The following GLS variants were observed in gnomAD, a reference collection of about 807,000 sequenced individuals.
GLS encodes the protein glutaminase kidney isoform, mitochondrial.
Under a neutral mutation model 86.7 loss-of-function variants are expected in GLS, and 36 were observed. That is an observed-to-expected ratio of 0.42 (90% CI 0.32 to 0.55). The LOEUF (loss-of-function observed/expected upper bound fraction) is 0.55. Ranked by LOEUF, GLS falls within the 20% of genes least tolerant of loss-of-function variation. The pLI is 0.17. For synonymous variants in GLS, 317 were observed against 305.9 expected, an observed-to-expected ratio of 1.04 and a Z score of -0.38; for missense variants, 528 against 833.4, an observed-to-expected ratio of 0.63 and a Z score of 4.51.
rs1006589157 is a variant in GLS, at chr2:190,898,867, A to T, written c.606-1697A>T. ...GGTCTCGAACTCCTGACCTCAGGTG[A>T]TCTGCCTGCCTCAGCCTCCCAAAGT... On this transcript the variant is annotated intron_variant, in intron 3 of 17. Coordinates refer to ENST00000320717, the MANE Select transcript of GLS (RefSeq NM_014905.5). 3.3e-5 allele frequency among the ~76,000 whole-genome samples: 5 copies of T among 152,320 alleles called. 1 individual carries two copies. The highest frequency in any genetic ancestry group is 3.3e-4 in the Admixed American group (5 of 15,304).
At chr2:190,882,761 A>C (rs1288540641) in intron 1 of GLS, among the ~76,000 whole-genome samples, 1 of 152,264 alleles carries the variant, frequency 6.6e-6, no homozygotes, top group East Asian at 1.9e-4. Context: ...GCCACAAAAT[A>C]GCGTCCTGAC....
rs763373443 is a variant in GLS, at chr2:190,881,076, C to T, written c.-9C>T. 19 of 1,552,066 alleles carry T rather than the reference C, an allele frequency of 1.2e-5. No homozygotes were observed. The East Asian group carries it at 4.3e-4, about 35-fold the overall frequency. On this transcript the variant is annotated 5_prime_UTR_variant, in exon 1 of 18. Coordinates refer to ENST00000320717, the MANE Select transcript of GLS (RefSeq NM_014905.5). The stretch of plus-strand genomic sequence containing the variant: ...CCCCTGTTGAGCGGGCGCTGACGGA[C>T]CCGGCGGCATGATGCGGCTGCGAGG...
intron 3 of GLS, among the ~76,000 whole-genome samples, chr2:190,898,736 A>G (rs916258191): frequency 6.6e-6 from 1 of 152,120 alleles, no homozygotes; most frequent in East Asian, 1.9e-4. Flanking sequence ...GGTTCAAGCA[A>G]TTCTCCTGCC....
At chr2:190,952,789 T>A (rs1690750669) in intron 14 of GLS, among the ~76,000 whole-genome samples, 1 of 152,240 alleles carries the variant, frequency 6.6e-6, no homozygotes, top group South Asian at 2.1e-4. Context: ...GTCAATAGTT[T>A]AATTTCTCAT....
At chr2:190,933,327 A>T in intron 14 of GLS, 1 of 911,180 alleles carries the variant, frequency 1.1e-6, no homozygotes, top group Non-Finnish European at 1.3e-6. Flanking sequence ...AAAACTAAAA[A>T]GGCAAAATAA....
rs1690759163 is a variant in GLS, at chr2:190,953,024, C to T, written c.1651-541C>T. Among the ~76,000 whole-genome samples, 1 of 152,100 alleles carries T rather than the reference C, an allele frequency of 6.6e-6. No individual in the cohort carries two copies. Among genetic ancestry groups the T allele is most frequent in the Non-Finnish European group, 1.5e-5 (1 of 68,016 alleles). On this transcript the variant is annotated intron_variant, in intron 14 of 17. Transcript: ENST00000320717. The surrounding 1 kb of genome is among the most constrained non-coding windows in gnomAD (Gnocchi z 4.0). ...GTTCTGAGAATGACCCAATTTGTAC[C>T]ACCTGGGCATTGAACTGAAGGCTGT...
rs990167818 is a variant in GLS at position 190,962,693 on chromosome 2, A to G, written c.1854-137A>G. The G allele has an allele frequency of 4.5e-6, 2 of 449,358 alleles. No individual in the cohort carries two copies. Among genetic ancestry groups the G allele is most frequent in the Non-Finnish European group, 7.7e-6 (2 of 260,260 alleles). The allele number at this position is 449,358 out of a possible 1,614,324, so 27.8% of individuals were successfully genotyped here. ...ATAAATCCCTTTCTGCATTTCTATTATTAATTTTTATTTGTAAAATTGCTA... is the reference window on the plus strand; with the variant it reads ...ATAAATCCCTTTCTGCATTTCTATTGTTAATTTTTATTTGTAAAATTGCTA... On this transcript the variant is annotated intron_variant, in intron 17 of 17. Transcript: ENST00000320717. This position sits in a 1 kb window ranked among gnomAD's most constrained non-coding sequence, Gnocchi z 4.2.
At chr2:190,932,891 C>G (rs769139364) in intron 14 of GLS, 3 of 1,436,804 alleles carry the variant, frequency 2.1e-6, no homozygotes, top group Non-Finnish European at 2.8e-6. Context: ...CAGAATGTTT[C>G]TTCATTTAAT....
At position 190,881,431 on chromosome 2, in the gene GLS, G is replaced by A. The variant is rs1412546188; in HGVS notation, c.347G>A (p.Gly116Asp). ...KDGPGETDAF[G>D]NSEGKELVAS... is the part of the protein sequence containing the mutation. ...GGCCCCGGGGAGACGGACGCGTTTG[G>A]CAACAGCGAGGGCAAAGAGCTGGTG... Residue 116 changes from glycine (G) to aspartate (D), a missense_variant, in exon 1 of 18, where the codon GGC (glycine) becomes GAC (aspartate). Coordinates refer to ENST00000320717, the MANE Select transcript of GLS (RefSeq NM_014905.5). 3.9e-6 allele frequency: 6 copies of A among 1,545,796 alleles called. 1 individual carries two copies. In the South Asian group the frequency reaches 7.1e-5, roughly 18 times the overall value.
intron 1 of GLS, among the ~76,000 whole-genome samples, chr2:190,883,590 C>T (rs1029105588): frequency 2.0e-5 from 3 of 152,194 alleles, no homozygotes; most frequent in African/African-American, 7.2e-5. Flanking sequence ...AACATTGCTT[C>T]TTCATTATTG....
chr2:190,880,971 C>T lies in GLS; in HGVS notation c.-114C>T. 2 of 1,249,770 alleles carry T rather than the reference C, an allele frequency of 1.6e-6. No homozygotes were observed. Among genetic ancestry groups the T allele is most frequent in the Non-Finnish European group, 2.2e-6 (2 of 897,296 alleles). 77.4% of individuals were successfully genotyped at this position (1,249,770 alleles called of 1,614,324 possible). On this transcript the variant is annotated 5_prime_UTR_variant, in exon 1 of 18. Transcript: ENST00000320717. ...CCGGAACCACACCCAAGTAGCTGCC[C>T]TTTCCTCTTCTGTCATCTCACCGCC...
In GLS at chr2:190,920,415, CTG is replaced by C. The variant is rs1431782354; in HGVS notation, c.1039-606_1039-605del. On this transcript the variant is annotated intron_variant, in intron 7 of 17. Coordinates refer to ENST00000320717, the MANE Select transcript of GLS (RefSeq NM_014905.5). The surrounding 1 kb of genome is among the most constrained non-coding windows in gnomAD (Gnocchi z 4.2). ...ACAACAGAAGCTAATTTTTTAGAGA[CTG>C]TGAAATATAATTTTTTTTAGTTCAA... is the stretch of plus-strand genomic sequence containing the variant. Among the ~76,000 whole-genome samples, 2 of 151,772 alleles carry C rather than the reference CTG, an allele frequency of 1.3e-5. No homozygotes were observed. Among genetic ancestry groups the C allele is most frequent in the African/African-American group, 4.8e-5 (2 of 41,390 alleles).
In GLS at chr2:190,905,310, C is replaced by T; in HGVS notation, c.979+143C>T. ...TAATCCATTGAGAGAGTTTCATCAC[C>T]TACTTTTAAAAATGATTATTTTAGG... On this transcript the variant is annotated intron_variant, in intron 6 of 17. Coordinates refer to ENST00000320717, the MANE Select transcript of GLS (RefSeq NM_014905.5). This position sits in a 1 kb window ranked among gnomAD's most constrained non-coding sequence, Gnocchi z 4.6. 1.7e-6 allele frequency: 1 copy of T among 584,674 alleles called. No individual in the cohort carries two copies. The highest frequency in any genetic ancestry group is 3.0e-6 in the Non-Finnish European group (1 of 336,808). 36.2% of individuals were successfully genotyped at this position (584,674 alleles called of 1,614,324 possible).
At chr2:190,932,738 A>T (rs772774171) in intron 14 of GLS, 1 of 1,601,776 alleles carries the variant, frequency 6.2e-7, no homozygotes, top group Non-Finnish European at 8.5e-7. Context: ...CCATTGGACT[A>T]TGAAAGTCTC....
intron 7 of GLS, among the ~76,000 whole-genome samples, chr2:190,911,294 A>G (rs2124869994): frequency 6.6e-6 from 1 of 152,176 alleles, no homozygotes; most frequent in East Asian, 1.9e-4. Context: ...TAACTTGTAT[A>G]CTAGAAAGCC....
At chr2:190,926,553 T>C (rs1186543085) in intron 11 of GLS, among the ~76,000 whole-genome samples, 1 of 152,186 alleles carries the variant, frequency 6.6e-6, no homozygotes, top group African/African-American at 2.4e-5. Flanking sequence ...TACTATTAGC[T>C]AAAAATAAAA....
chr2:190,960,530 A>AATTT (rs1194565528), intron 17 of GLS, among the ~76,000 whole-genome samples: 2 of 97,236 alleles, frequency 2.1e-5, no homozygotes, highest in African/African-American at 7.1e-5. Context: ...ATGCCTGGCT[A>AATTT]ATTTATTTAT....
intron 14 of GLS, among the ~76,000 whole-genome samples, chr2:190,948,386 T>A (rs1043064756): frequency 1.3e-5 from 2 of 152,198 alleles, no homozygotes; most frequent in Non-Finnish European, 2.9e-5. Flanking sequence ...ATAAACCAAG[T>A]ATATTCTAAA....
At chr2:190,896,786 A>C (rs1688757408) in intron 3 of GLS, among the ~76,000 whole-genome samples, 1 of 152,156 alleles carries the variant, frequency 6.6e-6, no homozygotes, top group African/African-American at 2.4e-5. Context: ...GGTATTAGGA[A>C]TTTTGACTTC....
Sources: allele counts gnomAD v4.1 joint callset (sites outside exome capture counted in the v4.1 genomes callset), GRCh38; gene constraint gnomAD v4.1.1; non-coding constraint Gnocchi (gnomAD v3.1); transcripts MANE v1.5; gene names NCBI Gene and HGNC (gene_info 2026-07-23, HGNC 2026-07-21).